The following APOBEC3F variants were observed in gnomAD, a reference collection of about 807,000 sequenced individuals.
APOBEC3F encodes the protein apolipoprotein B mRNA editing enzyme catalytic subunit 3F.
A neutral mutation model predicts 45.8 loss-of-function variants in APOBEC3F; 34 were observed. That is an observed-to-expected ratio of 0.74 (90% CI 0.57 to 0.99). The LOEUF is 0.99. Among genes scored for constraint, APOBEC3F ranks in the 50% least tolerant of loss-of-function variants. The pLI, the probability that APOBEC3F is intolerant of heterozygous loss-of-function variation, is 0.00. For synonymous variants in APOBEC3F, 192 were observed against 174.4 expected (o/e 1.10, Z -0.80); for missense variants, 459 against 474.1 (o/e 0.97, Z 0.30).
chr22:39,044,883 C>T, intron 2 of APOBEC3F, 58 bp from the exon 3 acceptor site: 2 of 1,521,950 alleles, frequency 1.3e-6, no homozygotes, highest in Non-Finnish European at 1.8e-6. Flanking sequence ...CTGCCCCACC[C>T]CTGCACTCCT....
At chr22:39,044,230 C>T in intron 2 of APOBEC3F, 17 of 1,599,208 alleles carry the variant, frequency 1.1e-5, no homozygotes, top group African/African-American at 1.4e-5. Context: ...GGCCAGGCCA[C>T]AGCAGGGGCT....
Position 39,054,850 on chromosome 22 carries a change from C to T in APOBEC3F, c.*2155C>T, listed in dbSNP as rs1927640546. On this transcript the variant is annotated 3_prime_UTR_variant, in exon 7 of 7. Transcript: ENST00000308521. ...TGATCCCTTCATGCTGTGGCCTCCA[C>T]AGAAGATGCCCTGGGCCAGGTGCCC... 6.6e-6 allele frequency among the ~76,000 whole-genome samples: 1 copy of T among 152,186 alleles called. No homozygotes were observed. Among genetic ancestry groups the T allele is most frequent in the Admixed American group, 6.5e-5 (1 of 15,286 alleles).
chr22:39,045,663 C>CA (rs1359995205), intron 4 of APOBEC3F, 121 bp downstream of exon 4: 21 of 1,524,112 alleles, frequency 1.4e-5, no homozygotes, highest in Non-Finnish European at 1.5e-5. Flanking sequence ...CTCATGGTTA[C>CA]ACCCCTCACC....
At chr22:39,048,632 C>T (rs980093772) in intron 4 of APOBEC3F, among the ~76,000 whole-genome samples, 1 of 151,832 alleles carries the variant, frequency 6.6e-6, no homozygotes, top group African/African-American at 2.4e-5. Context: ...ATGATGAAAC[C>T]CCATCTCTAC....
chr22:39,049,735 A>C (rs1927394445), intron 5 of APOBEC3F, among the ~76,000 whole-genome samples, 154 bp downstream of exon 5: 1 of 144,358 alleles, frequency 6.9e-6, no homozygotes, highest in Non-Finnish European at 1.5e-5. Flanking sequence ...AGTCTCACTC[A>C]GTCACCCAGG....
Position 39,045,128 on chromosome 22 carries a change from C to G in APOBEC3F, c.359C>G (p.Ala120Gly), listed in dbSNP as rs769452755. ...HPNVTLTISA[A>G]RLYYYWERDY... is the part of the protein sequence containing the mutation. ...AATGTCACCCTGACCATCTCCGCCG[C>G]CCGCCTCTACTACTACTGGGAAAGA... Residue 120 changes from alanine to glycine, a missense_variant, in exon 3 of 7, where the codon GCC becomes GGC. By Grantham distance (60) the Ala-to-Gly change is moderately conservative. Coordinates refer to ENST00000308521, the MANE Select transcript of APOBEC3F (RefSeq NM_145298.6). 13 of 1,613,992 alleles carry G rather than the reference C, an allele frequency of 8.1e-6. No individual in the cohort carries two copies. Among genetic ancestry groups the G allele is most frequent in the African/African-American group, 1.3e-5 (1 of 74,912 alleles).
Position 39,051,946 on chromosome 22 carries a change from C to T in APOBEC3F, c.724-128C>T, listed in dbSNP as rs1302480439. 8 of 1,389,224 alleles carry T rather than the reference C, an allele frequency of 5.8e-6. No individual in the cohort carries two copies. The African/African-American group carries it at 7.2e-5, about 13-fold the overall frequency. The allele number at this position is 1,389,224 out of a possible 1,614,324, so 86.1% of individuals were successfully genotyped here. A position where few individuals can be genotyped will look rare whatever the true frequency, so the allele number is the denominator to read the frequency against. ...CCCCAGCCTGGGCAACAGGAGAGAC[C>T]CTGTCTCAAAAATAAATAAGGAAAC... On this transcript the variant is annotated intron_variant, in intron 5 of 6. Transcript: ENST00000308521.
rs1441505107 is a variant in APOBEC3F, at chr22:39,045,651, C to A, written c.566+109C>A. 5.1e-6 allele frequency: 8 copies of A among 1,565,180 alleles called. No individual in the cohort carries two copies. In the African/African-American group the frequency reaches 5.4e-5, roughly 11 times the overall value. ...TGCCCTCCGTCCTGCCCCCTGCCTG[C>A]CCTCATGGTTACACCCCTCACCCAC... On this transcript the variant is annotated intron_variant, in intron 4 of 6. Coordinates refer to ENST00000308521, the MANE Select transcript of APOBEC3F (RefSeq NM_145298.6).
At chr22:39,042,172 T>C (rs1926939125) in intron 1 of APOBEC3F, among the ~76,000 whole-genome samples, 1 of 152,226 alleles carries the variant, frequency 6.6e-6, no homozygotes, top group South Asian at 2.1e-4. Flanking sequence ...CGCGCAGCAC[T>C]TAGAAGAGTG....
In APOBEC3F at chr22:39,043,077, T is replaced by C; in HGVS notation, c.158T>C (p.Ile53Thr). Reference sequence around the variant, plus strand: ...TCAAGGCCCCGTTTGGACGCAAAGATCTTTCGAGGCCAGGTACCACCCGGA... The same window carrying C: ...TCAAGGCCCCGTTTGGACGCAAAGACCTTTCGAGGCCAGGTACCACCCGGA... Reference protein sequence around the residue: ...GPSRPRLDAKIFRGQVYSQPE... With the variant: ...GPSRPRLDAKTFRGQVYSQPE... The change falls in exon 2 of 7, where the codon ATC (isoleucine) becomes ACC (threonine). Residue 53 changes from isoleucine to threonine, a missense_variant. By Grantham distance (89) the Ile-to-Thr change is moderately conservative. Coordinates refer to ENST00000308521, the MANE Select transcript of APOBEC3F (RefSeq NM_145298.6). 6.2e-7 allele frequency: 1 copy of C among 1,614,124 alleles called. No homozygotes were observed. Among genetic ancestry groups the C allele is most frequent in the Non-Finnish European group, 8.5e-7 (1 of 1,180,026 alleles).
At chr22:39,051,771 G>C (rs568022863) in intron 5 of APOBEC3F, among the ~76,000 whole-genome samples, 78 of 151,770 alleles carry the variant, frequency 5.1e-4, no homozygotes, top group Non-Finnish European at 8.7e-4. Flanking sequence ...GAGCAACATG[G>C]TGAAACCCAG....
At chr22:39,045,648 C>T in intron 4 of APOBEC3F, 106 bp downstream of exon 4, 1 of 1,572,366 alleles carries the variant, frequency 6.4e-7, no homozygotes, top group South Asian at 1.2e-5. Context: ...TGCCCCCTGC[C>T]TGCCCTCATG....
At chr22:39,047,783 G>A (rs543730370) in intron 4 of APOBEC3F, among the ~76,000 whole-genome samples, 7 of 147,858 alleles carry the variant, frequency 4.7e-5, no homozygotes, top group African/African-American at 1.0e-4. Context: ...ATTGCTCCCC[G>A]CCCTGGGATG....
At chr22:39,042,365 G>A (rs1926955680) in intron 1 of APOBEC3F, among the ~76,000 whole-genome samples, 2 of 147,282 alleles carry the variant, frequency 1.4e-5, no homozygotes, top group South Asian at 4.2e-4. Context: ...AGGCTGGAGT[G>A]CAGTGGCACG....
chr22:39,046,504 G>A (rs980169261), intron 4 of APOBEC3F, among the ~76,000 whole-genome samples: 1 of 151,934 alleles, frequency 6.6e-6, no homozygotes, highest in Non-Finnish European at 1.5e-5. Flanking sequence ...CCACCCAACA[G>A]CACCCAGCCC....
At position 39,043,041 on chromosome 22, in the gene APOBEC3F, CAA is replaced by C. The variant is rs1481778186; in HGVS notation, c.124_125del (p.Lys42GlyfsTer21). On this transcript the variant is annotated frameshift_variant, in exon 2 of 7. Coordinates refer to ENST00000308521, the MANE Select transcript of APOBEC3F (RefSeq NM_145298.6). LOFTEE classifies it high-confidence loss of function. The stretch of plus-strand genomic sequence containing the variant: ...GTCTGGCTGTGCTACGAAGTGAAAA[CAA>C]AGGGTCCCTCAAGGCCCCGTTTGGA... 6.2e-7 allele frequency: 1 copy of C among 1,614,076 alleles called. No homozygotes were observed. Among genetic ancestry groups the C allele is most frequent in the African/African-American group, 1.3e-5 (1 of 74,928 alleles).
At chr22:39,049,628 A>G (rs759744454) in intron 5 of APOBEC3F, 47 bp downstream of exon 5, 4 of 1,599,698 alleles carry the variant, frequency 2.5e-6, no homozygotes, top group South Asian at 2.2e-5. Flanking sequence ...CTAAGCAGCT[A>G]GGAATGCAGA....
chr22:39,043,466 A>T (rs1033779969), intron 2 of APOBEC3F, among the ~76,000 whole-genome samples: 1 of 92,114 alleles, frequency 1.1e-5, no homozygotes, highest in East Asian at 4.5e-4. Flanking sequence ...ACGCCCAGCT[A>T]ATTTTTTTTT....
At position 39,043,017 on chromosome 22, in the gene APOBEC3F, T is replaced by G. The variant is rs1355266362; in HGVS notation, c.98T>G (p.Val33Gly). The G allele has an allele frequency of 5.0e-6, 8 of 1,614,168 alleles. No homozygotes were observed. In the East Asian group the frequency reaches 1.8e-4, roughly 36 times the overall value. ...CCCATCCTTTCTCGTCGGAATACCGTCTGGCTGTGCTACGAAGTGAAAACA... is the reference window on the plus strand; with the variant it reads ...CCCATCCTTTCTCGTCGGAATACCGGCTGGCTGTGCTACGAAGTGAAAACA... ...NRPILSRRNT[V>G]WLCYEVKTKG... is the part of the protein sequence containing the mutation. Residue 33 changes from valine (V) to glycine (G), a missense_variant, in exon 2 of 7, where the codon GTC (valine) becomes GGC (glycine). Coordinates refer to ENST00000308521, the MANE Select transcript of APOBEC3F (RefSeq NM_145298.6).
Sources: gnomAD v4.1 joint callset for allele counts (sites outside exome capture counted in the v4.1 genomes callset) on GRCh38, gnomAD v4.1.1 for gene constraint, MANE v1.5 for transcripts, NCBI Gene and HGNC (gene_info 2026-07-23, HGNC 2026-07-21) for gene names.